Variants in UNC79 observed in about 807,000 individuals in gnomAD.
The protein encoded by UNC79 is protein unc-79 homolog.
Under a neutral mutation model 283.1 loss-of-function variants are expected in UNC79, and 37 were observed. The observed-to-expected ratio is 0.13, with a 90% CI of 0.10 to 0.17. UNC79 has a LOEUF of 0.17. UNC79 is among the 10% of genes least tolerant of loss of function. The pLI is 1.00. For missense variants in UNC79, 2,272 were observed against 3,211.1 expected, an observed-to-expected ratio of 0.71 and a Z score of 7.07; for synonymous variants, 1,107 against 1,200.2, an observed-to-expected ratio of 0.92 and a Z score of 1.61.
intron 41 of UNC79, among the ~76,000 whole-genome samples, chr14:93,678,624 C>G (rs374509933): frequency 6.6e-6 from 1 of 152,170 alleles, no homozygotes; most frequent in Non-Finnish European, 1.5e-5. Flanking sequence ...GTAACTGGTA[C>G]CAATCTGTTT....
chr14:93,411,891 T>C (rs1471345970), intron 1 of UNC79, among the ~76,000 whole-genome samples: 1 of 152,152 alleles, frequency 6.6e-6, no homozygotes, highest in African/African-American at 2.4e-5. Context: ...CAGACAAACA[T>C]CTGTAAGTAC....
intron 27 of UNC79, among the ~76,000 whole-genome samples, chr14:93,614,556 T>C (rs964074806): frequency 1.3e-5 from 2 of 151,252 alleles, no homozygotes; most frequent in African/African-American, 4.9e-5. Flanking sequence ...TGGCCTCAAG[T>C]GATCCACCCA....
chr14:93,347,989 G>A (rs1215839520), intron 1 of UNC79: 1 of 1,246,110 alleles, frequency 8.0e-7, no homozygotes, highest in Non-Finnish European at 1.2e-6. Context: ...ACTGGCCTAG[G>A]AAGCCATACT....
chr14:93,679,247 T>C (rs1184184374), intron 41 of UNC79, among the ~76,000 whole-genome samples: 2 of 152,022 alleles, frequency 1.3e-5, no homozygotes, highest in Non-Finnish European at 2.9e-5. Flanking sequence ...GATCACGAAG[T>C]CAAGAGATCG....
Position 93,529,337 on chromosome 14 carries a change from C to T in UNC79, c.1093+11C>T, listed in dbSNP as rs745862288. The T allele has an allele frequency of 2.5e-6, 4 of 1,613,358 alleles. No homozygotes were observed. The African/African-American group carries it at 4.0e-5, about 16-fold the overall frequency. On this transcript the variant is annotated intron_variant, in intron 10 of 48. Transcript: ENST00000555664. ...TTCTTCTGCCACAAGGTATGGTTTACTTAGGAAAGGATGAATAATGAGTAA... is the reference window on the plus strand; with the variant it reads ...TTCTTCTGCCACAAGGTATGGTTTATTTAGGAAAGGATGAATAATGAGTAA...
intron 40 of UNC79, 151 bp from the exon 44 acceptor site, chr14:93,673,200 C>A (rs987053703): frequency 4.8e-6 from 3 of 627,198 alleles, no homozygotes; most frequent in Non-Finnish European, 7.9e-6. Context: ...TTTTTTTGTT[C>A]TAATTTTATT....
Position 93,643,717 on chromosome 14 carries a change from T to C in UNC79, c.6044+20T>C. The C allele has an allele frequency of 6.2e-7, 1 of 1,611,184 alleles. No individual in the cohort carries two copies. Among genetic ancestry groups the C allele is most frequent in the Non-Finnish European group, 8.5e-7 (1 of 1,179,686 alleles). On this transcript the variant is annotated intron_variant, in intron 34 of 48. Transcript: ENST00000555664. ...GGGAAGGTGAATGTCAGCTTCTGTT[T>C]TGTTTGGTAGGAAGGTCCTTTATTC... is the stretch of plus-strand genomic sequence containing the variant.
intron 1 of UNC79, among the ~76,000 whole-genome samples, chr14:93,381,681 T>A (rs1199983695): frequency 6.6e-6 from 1 of 152,224 alleles, no homozygotes; most frequent in Non-Finnish European, 1.5e-5. Context: ...TACTCCCAGA[T>A]TCCTAAGAGT....
At chr14:93,481,107 G>A (rs1041820392) in intron 4 of UNC79, among the ~76,000 whole-genome samples, 3 of 152,122 alleles carry the variant, frequency 2.0e-5, no homozygotes, top group Non-Finnish European at 4.4e-5. Context: ...TAAACCAAGT[G>A]CTGGACTTTT....
At chr14:93,462,830 A>G (rs958696297) in intron 1 of UNC79, among the ~76,000 whole-genome samples, 4 of 152,140 alleles carry the variant, frequency 2.6e-5, no homozygotes, top group Non-Finnish European at 4.4e-5. Context: ...GGGGGAAGGG[A>G]GACCTAAGAG....
At chr14:93,350,706 T>G (rs1483321902) in intron 1 of UNC79, among the ~76,000 whole-genome samples, 1 of 152,084 alleles carries the variant, frequency 6.6e-6, no homozygotes, top group East Asian at 1.9e-4. Flanking sequence ...TTTTAAAAAC[T>G]TCTTAGATTC....
intron 20 of UNC79, among the ~76,000 whole-genome samples, chr14:93,584,561 C>G (rs2064074813): frequency 6.6e-6 from 1 of 152,232 alleles, no homozygotes; most frequent in Admixed American, 6.5e-5. Flanking sequence ...TGGGACTTCA[C>G]TCATGATCCA....
At chr14:93,336,173 G>A (rs1034636699) in intron 1 of UNC79, among the ~76,000 whole-genome samples, 2 of 152,044 alleles carry the variant, frequency 1.3e-5, no homozygotes, top group Non-Finnish European at 2.9e-5. Context: ...AAATTAAGGA[G>A]AAAAGACAAA....
chr14:93,392,589 A>G (rs2054906197), intron 1 of UNC79, among the ~76,000 whole-genome samples: 1 of 152,212 alleles, frequency 6.6e-6, no homozygotes. Context: ...CAGGGGTCAC[A>G]TATTCAAACA....
chr14:93,671,473 T>TA lies in UNC79; in HGVS notation c.6637-1871dup, dbSNP rs552040266. On this transcript the variant is annotated intron_variant, in intron 40 of 48. Coordinates refer to ENST00000555664, the Ensembl canonical transcript of UNC79. Reference sequence around the variant, plus strand: ...TATACAAGGAACTCAAACTCAACAGTAAAAAAACAAAAAACAGGGCCAGGC... The same window carrying TA: ...TATACAAGGAACTCAAACTCAACAGTAAAAAAAACAAAAAACAGGGCCAGGC... 1.9e-3 allele frequency among the ~76,000 whole-genome samples: 285 copies of TA among 151,692 alleles called. 1 individual carries two copies. The highest frequency in any genetic ancestry group is 6.6e-3 in the African/African-American group (273 of 41,346).
intron 14 of UNC79, 46 bp downstream of exon 14, chr14:93,542,742 G>A (rs376004046): frequency 4.4e-6 from 7 of 1,595,736 alleles, no homozygotes; most frequent in African/African-American, 2.7e-5. Context: ...AGGAGGACTT[G>A]GGGAGAAGTG....
At chr14:93,381,279 T>C (rs10141012) in intron 1 of UNC79, among the ~76,000 whole-genome samples, 21,344 of 152,182 alleles carry the variant, frequency 0.14, 1,596 homozygotes, top group Admixed American at 0.19. Flanking sequence ...AGGAATATCA[T>C]GGGATTATCT....
chr14:93,560,326 A>C (rs1004191333), intron 14 of UNC79, among the ~76,000 whole-genome samples: 11 of 152,132 alleles, frequency 7.2e-5, no homozygotes. Flanking sequence ...TAAAAACAAC[A>C]ATCTTCATTT....
intron 1 of UNC79, among the ~76,000 whole-genome samples, chr14:93,418,877 A>G (rs1185087216): frequency 6.6e-6 from 1 of 151,816 alleles, no homozygotes; most frequent in African/African-American, 2.4e-5. Flanking sequence ...CCGTTGGAAA[A>G]GCACAGTATT....
Sources: gnomAD v4.1 joint callset for allele counts (sites outside exome capture counted in the v4.1 genomes callset) on GRCh38, gnomAD v4.1.1 for gene constraint, MANE v1.5 for transcripts, NCBI Gene and HGNC (gene_info 2026-07-23, HGNC 2026-07-21) for gene names.